PMPCB: variants seen among roughly 807,000 people sequenced by gnomAD.
The protein encoded by PMPCB is peptidase, mitochondrial processing subunit beta, also known as mitochondrial-processing peptidase subunit beta.
In PMPCB, 46 loss-of-function variants were observed where a neutral mutation model predicts 61.5. The observed-to-expected ratio is 0.75, with a 90% CI of 0.59 to 0.96. The LOEUF (loss-of-function observed/expected upper bound fraction) is 0.96, where lower values mean the gene tolerates loss of function less well. Among genes scored for constraint, PMPCB ranks in the 40% least tolerant of loss-of-function variants. The pLI is 0.00. For synonymous variants in PMPCB, 191 were observed against 201.6 expected (o/e 0.95, Z 0.44); for missense variants, 590 against 602.4 (o/e 0.98, Z 0.22).
At chr7:103,319,637 T>A (rs779456178), downstream of PMPCB, 16 of 1,614,010 alleles carry the variant, frequency 9.9e-6, no homozygotes, top group Non-Finnish European at 1.3e-5. Flanking sequence ...CTTTCCTACT[T>A]CTTTTGTGCA....
chr7:103,316,458 T>C (rs1431070922), downstream of PMPCB: 5 of 220,494 alleles, frequency 2.3e-5, no homozygotes, highest in African/African-American at 1.1e-4. Flanking sequence ...CTCTAGGGCT[T>C]TCTTGCAGTT....
chr7:103,297,642 G>A (rs926786404), intron 1 of PMPCB, 84 bp downstream of exon 1: 2 of 1,583,924 alleles, frequency 1.3e-6, no homozygotes, highest in East Asian at 2.3e-5. Flanking sequence ...CCACAGATCC[G>A]AACAGTGGGT....
At chr7:103,303,494 AT>A (rs1264916877) in intron 4 of PMPCB, among the ~76,000 whole-genome samples, 6 of 152,216 alleles carry the variant, frequency 3.9e-5, no homozygotes, top group Non-Finnish European at 8.8e-5. Context: ...CCCTCTGTAC[AT>A]TGCTAGCTAG....
downstream of PMPCB, among the ~76,000 whole-genome samples, chr7:103,332,027 C>T (rs1319712451): frequency 5.6e-5 from 8 of 143,858 alleles, no homozygotes; most frequent in East Asian, 2.0e-4. Context: ...TTTTTTGAGG[C>T]GGAGTCTTGC....
chr7:103,305,084 T>C (rs1314255532), intron 6 of PMPCB, among the ~76,000 whole-genome samples: 1 of 152,230 alleles, frequency 6.6e-6, no homozygotes, highest in African/African-American at 2.4e-5. Flanking sequence ...CGGAAGATGG[T>C]GTTCTGTACT....
At chr7:103,336,490 CCCA>C in the PMPCB span, 1 of 152,192 alleles carries the variant, frequency 6.6e-6, no homozygotes, top group African/African-American at 2.4e-5. Context: ...AATACAGGTG[CCCA>C]CCACCACACC....
chr7:103,310,265 T>A, intron 8 of PMPCB, 50 bp from the exon 9 acceptor site: 1 of 1,419,474 alleles, frequency 7.0e-7, no homozygotes, highest in Non-Finnish European at 9.9e-7. Context: ...TCTTTCTGTA[T>A]TTTGGACATG....
At chr7:103,301,569 C>T (rs1257358624) in intron 4 of PMPCB, among the ~76,000 whole-genome samples, 1 of 152,132 alleles carries the variant, frequency 6.6e-6, no homozygotes, top group African/African-American at 2.4e-5. Flanking sequence ...CCCCTTTTCT[C>T]CTGGCATCTA....
chr7:103,299,153 T>C (rs1430033683), intron 2 of PMPCB, among the ~76,000 whole-genome samples: 1 of 152,218 alleles, frequency 6.6e-6, no homozygotes, highest in East Asian at 1.9e-4. Flanking sequence ...ACCGAAGTTT[T>C]CTGACAGTCT....
the PMPCB span, among the ~76,000 whole-genome samples, chr7:103,339,880 C>T: frequency 6.6e-6 from 1 of 152,154 alleles, no homozygotes; most frequent in Non-Finnish European, 1.5e-5. Flanking sequence ...CTCTTGTTGC[C>T]CAGGCTGGAG....
intron 4 of PMPCB, among the ~76,000 whole-genome samples, chr7:103,302,927 C>T (rs559569908): frequency 1.6e-4 from 24 of 151,744 alleles, no homozygotes; most frequent in African/African-American, 5.8e-4. Flanking sequence ...TAACATTAAT[C>T]GTATTAATGA....
chr7:103,301,856 G>A (rs1289626237), intron 4 of PMPCB, among the ~76,000 whole-genome samples: 1 of 151,816 alleles, frequency 6.6e-6, no homozygotes, highest in Non-Finnish European at 1.5e-5. Flanking sequence ...CAACGTGCAG[G>A]TTTGTTACAT....
downstream of PMPCB, chr7:103,317,106 T>C: frequency 9.1e-7 from 1 of 1,098,964 alleles, no homozygotes; most frequent in Non-Finnish European, 1.3e-6. Flanking sequence ...TCCTCAACTC[T>C]CAATGTCATT....
In PMPCB at chr7:103,308,109, A is replaced by G. The variant is rs185956292; in HGVS notation, c.849+401A>G. On this transcript the variant is annotated intron_variant, in intron 7 of 12. Coordinates refer to ENST00000249269, the MANE Select transcript of PMPCB (RefSeq NM_004279.3). The stretch of plus-strand genomic sequence containing the variant: ...CTCTTGGCTCAGTTTTGCCCACAGT[A>G]TGTTTTGGGAGGGGGTAGTAACTGT... 1.5e-3 allele frequency among the ~76,000 whole-genome samples: 225 copies of G among 152,226 alleles called. 2 individuals are homozygous for G. The highest frequency in any genetic ancestry group is 5.1e-3 in the African/African-American group (212 of 41,532).
intron 12 of PMPCB, chr7:103,322,158 A>G: frequency 8.9e-7 from 1 of 1,128,716 alleles, no homozygotes; most frequent in Non-Finnish European, 1.2e-6. Flanking sequence ...AAAAATTTAA[A>G]CTTTTAATAA....
chr7:103,325,134 C>G (rs1043526840), intron 12 of PMPCB, among the ~76,000 whole-genome samples: 1 of 152,092 alleles, frequency 6.6e-6, no homozygotes. Context: ...TACTTTTTAC[C>G]ACCTCAGCAC....
Position 103,314,149 on chromosome 7 carries a change from G to A in PMPCB, c.*1878G>A. On this transcript the variant is annotated 3_prime_UTR_variant, in exon 13 of 13. Coordinates refer to ENST00000249269, the MANE Select transcript of PMPCB (RefSeq NM_004279.3). ...GAAGGTAGCTTTTAAGTTCTAGGAA[G>A]TCTTTTGTTGAATTTCCTTGTATTG... is the stretch of plus-strand genomic sequence containing the variant. The A allele has an allele frequency of 3.0e-6, 3 of 985,434 alleles. No individual in the cohort carries two copies. The highest frequency in any genetic ancestry group is 3.6e-6 in the Non-Finnish European group (3 of 829,930). 61.0% of individuals were successfully genotyped at this position (985,434 alleles called of 1,614,324 possible).
chr7:103,335,518 TTTC>T, the PMPCB span: 2 of 151,830 alleles, frequency 1.3e-5, no homozygotes, highest in East Asian at 3.9e-4. Flanking sequence ...AAAAGCTGAA[TTTC>T]TTTTCTTTCT....
intron 8 of PMPCB, among the ~76,000 whole-genome samples, chr7:103,309,684 A>G (rs565112532): frequency 1.3e-5 from 2 of 152,342 alleles, no homozygotes; most frequent in South Asian, 2.1e-4. Context: ...CTCCACAGAT[A>G]CTGAGGAACT....
Sources: allele counts gnomAD v4.1 joint callset (sites outside exome capture counted in the v4.1 genomes callset), GRCh38; gene constraint gnomAD v4.1.1; transcripts MANE v1.5; gene names NCBI Gene and HGNC (gene_info 2026-07-23, HGNC 2026-07-21).